The following PKD1L3 variants were observed in gnomAD, a reference collection of about 807,000 sequenced individuals.
PKD1L3 encodes the protein polycystin 1 like 3, transient receptor potential channel interacting.
Under a neutral mutation model 184.1 loss-of-function variants are expected in PKD1L3, and 239 were observed. The ratio of observed to expected loss-of-function variants is 1.30; its 90% CI spans 1.17 to 1.45. The LOEUF (loss-of-function observed/expected upper bound fraction) is 1.45, where lower values mean the gene tolerates loss of function less well. Among genes scored for constraint, PKD1L3 ranks in the 40% most tolerant of loss-of-function variants. The pLI is 0.00. For missense variants in PKD1L3, 2,660 were observed against 2,067.2 expected (o/e 1.29, Z -5.56); for synonymous variants, 996 against 778.8 (o/e 1.28, Z -4.64).
At chr16:71,986,173 T>A (rs1272251964) in intron 5 of PKD1L3, 48 bp downstream of exon 5, 10 of 1,543,044 alleles carry the variant, frequency 6.5e-6, no homozygotes, top group Non-Finnish European at 7.9e-6. Flanking sequence ...AACCAAGTAC[T>A]TTTTGGGGGT....
chr16:71,983,172 A>T (rs2040225411), intron 6 of PKD1L3, among the ~76,000 whole-genome samples: 1 of 152,022 alleles, frequency 6.6e-6, no homozygotes, highest in Non-Finnish European at 1.5e-5. Context: ...TTTCAGACAG[A>T]GTGTGGCTCT....
chr16:72,000,195 T>C lies in PKD1L3; in HGVS notation c.-217A>G, dbSNP rs1433291768. The stretch of plus-strand genomic sequence containing the variant: ...CAATAAAACAATGGCCCTTTTTATC[T>C]GGGGCCCCACCATCTGTGTCTACCT... On this transcript the variant is annotated 5_prime_UTR_variant, in exon 1 of 30. Coordinates refer to ENST00000620267, the MANE Select transcript of PKD1L3 (RefSeq NM_181536.2). 1.3e-5 allele frequency among the ~76,000 whole-genome samples: 2 copies of C among 152,178 alleles called. No homozygotes were observed. Among genetic ancestry groups the C allele is most frequent in the African/African-American group, 4.8e-5 (2 of 41,440 alleles).
At chr16:71,973,288 C>T (rs981536022) in intron 12 of PKD1L3, 36 bp downstream of exon 12, 2 of 1,542,414 alleles carry the variant, frequency 1.3e-6, no homozygotes, top group East Asian at 2.4e-5. Flanking sequence ...GTAGCTATGG[C>T]AGAAGAGAGG....
chr16:71,934,263 A>C (rs1032369106), intron 26 of PKD1L3, 138 bp from the exon 27 acceptor site: 3 of 746,120 alleles, frequency 4.0e-6, no homozygotes, highest in Non-Finnish European at 6.6e-6. Context: ...ACTGCTTTCT[A>C]TTGTGGCCTC....
intron 4 of PKD1L3, among the ~76,000 whole-genome samples, chr16:71,987,243 C>T (rs1285243331): frequency 1.3e-5 from 2 of 150,296 alleles, no homozygotes; most frequent in African/African-American, 4.9e-5. Flanking sequence ...TTTCTTGAGA[C>T]TGGTTGTCAC....
intron 15 of PKD1L3, among the ~76,000 whole-genome samples, chr16:71,963,851 A>G (rs1331547658): frequency 6.6e-6 from 1 of 152,206 alleles, no homozygotes; most frequent in African/African-American, 2.4e-5. Flanking sequence ...TTCATGTACC[A>G]GACACCAGAC....
intron 7 of PKD1L3, among the ~76,000 whole-genome samples, chr16:71,980,524 G>A (rs1241096447): frequency 1.3e-5 from 2 of 152,042 alleles, no homozygotes; most frequent in African/African-American, 2.4e-5. Flanking sequence ...CTAATTTTAG[G>A]ATTCATCCTC....
chr16:71,997,009 A>G (rs2040810069), intron 2 of PKD1L3, among the ~76,000 whole-genome samples: 2 of 150,650 alleles, frequency 1.3e-5, no homozygotes, highest in Non-Finnish European at 1.5e-5. Context: ...ACCTGACCTA[A>G]GAATGAGACT....
intron 18 of PKD1L3, 30 bp downstream of exon 18, chr16:71,952,864 A>C: frequency 1.4e-6 from 2 of 1,473,680 alleles, no homozygotes; most frequent in South Asian, 1.3e-5. Context: ...CAATAAAATA[A>C]GATAAAATAA....
chr16:71,968,258 C>T (rs906544279), intron 13 of PKD1L3, among the ~76,000 whole-genome samples: 5 of 152,142 alleles, frequency 3.3e-5, no homozygotes, highest in African/African-American at 1.2e-4. Context: ...AGGTCTTGGG[C>T]CTCTAAATCC....
At position 71,930,089 on chromosome 16, in the gene PKD1L3, A is replaced by G. The variant is rs1264075205; in HGVS notation, c.5021T>C (p.Ile1674Thr). Residue 1674 changes from isoleucine (I) to threonine (T), a missense_variant, in exon 29 of 30, where the codon ATT becomes ACT. Ile to Thr is a moderately conservative substitution (Grantham distance 89). Transcript: ENST00000620267. ...TCTTTCTTTTCCAAAGGCCATGAGAATGGCCGAAACGAAAAGATTAATTAC... is the reference window on the plus strand; with the variant it reads ...TCTTTCTTTTCCAAAGGCCATGAGAGTGGCCGAAACGAAAAGATTAATTAC... ...LVVINLFVSA[I>T]LMAFGKERKS... The G allele has an allele frequency of 6.4e-7, 1 of 1,551,362 alleles. No individual in the cohort carries two copies. Among genetic ancestry groups the G allele is most frequent in the Non-Finnish European group, 8.7e-7 (1 of 1,146,850 alleles).
chr16:71,977,834 G>C (rs746748834), intron 10 of PKD1L3, among the ~76,000 whole-genome samples: 3 of 152,158 alleles, frequency 2.0e-5, no homozygotes, highest in Non-Finnish European at 4.4e-5. Context: ...GTGTGCAGCA[G>C]TGCGATCTCA....
rs572641897 is a variant in PKD1L3 at position 71,950,390 on chromosome 16, T to C, written c.3191-80A>G. On this transcript the variant is annotated intron_variant, in intron 19 of 29. Transcript: ENST00000620267. ...TTAGTGGTAGAGATTAACAATTCAT[T>C]GATGGATGATGAGGCTATATTTTCC... 3 of 1,233,748 alleles carry C rather than the reference T, an allele frequency of 2.4e-6. No individual in the cohort carries two copies. The South Asian group carries it at 4.6e-5, about 19-fold the overall frequency. 76.4% of individuals were successfully genotyped at this position (1,233,748 alleles called of 1,614,324 possible). A position where few individuals can be genotyped will look rare whatever the true frequency, so the allele number is the denominator to read the frequency against.
intron 9 of PKD1L3, among the ~76,000 whole-genome samples, chr16:71,979,370 G>A (rs1353630371): frequency 2.6e-5 from 4 of 152,104 alleles, no homozygotes; most frequent in Non-Finnish European, 1.5e-5. Context: ...CTTGAACCTG[G>A]GAGGCAGAGG....
At chr16:71,976,612 A>T (rs1344786121) in intron 11 of PKD1L3, among the ~76,000 whole-genome samples, 1 of 151,924 alleles carries the variant, frequency 6.6e-6, no homozygotes, top group Non-Finnish European at 1.5e-5. Flanking sequence ...CAAAATGAAA[A>T]TTTTTTTAAA....
intron 2 of PKD1L3, among the ~76,000 whole-genome samples, chr16:71,996,387 A>G (rs904354785): frequency 2.0e-5 from 3 of 150,918 alleles, no homozygotes; most frequent in African/African-American, 7.3e-5. Context: ...CAGCCTCCTG[A>G]GTACCTGGGA....
intron 7 of PKD1L3, among the ~76,000 whole-genome samples, chr16:71,981,166 C>T (rs2040135216): frequency 6.6e-6 from 1 of 152,156 alleles, no homozygotes; most frequent in Non-Finnish European, 1.5e-5. Context: ...GGCTATTTAG[C>T]TATTAAACCA....
intron 21 of PKD1L3, among the ~76,000 whole-genome samples, chr16:71,948,802 G>GAAA (rs2038717117): frequency 1.1e-4 from 1 of 9,140 alleles, no homozygotes; most frequent in Non-Finnish European, 2.3e-4. Flanking sequence ...CTTACATATA[G>GAAA]TAAAAAAAAA....
At chr16:71,982,799 G>T (rs1378636011) in intron 6 of PKD1L3, among the ~76,000 whole-genome samples, 1 of 151,830 alleles carries the variant, frequency 6.6e-6, no homozygotes, top group African/African-American at 2.4e-5. Context: ...TCACTGTATT[G>T]CCCAGGCTGG....
Sources: gnomAD v4.1 joint callset for allele counts (sites outside exome capture counted in the v4.1 genomes callset) on GRCh38, gnomAD v4.1.1 for gene constraint, MANE v1.5 for transcripts, NCBI Gene and HGNC (gene_info 2026-07-23, HGNC 2026-07-21) for gene names.